AMMECR1: variants seen among roughly 807,000 people sequenced by gnomAD.
The protein encoded by AMMECR1 is AMMECR nuclear protein 1, also known as nuclear protein AMMECR1.
AMMECR1 carries 3 observed loss-of-function variants against 22.5 expected under a neutral mutation model. The ratio of observed to expected loss-of-function variants is 0.13; its 90% CI spans 0.06 to 0.35. The LOEUF is 0.35. Ranked by LOEUF, AMMECR1 falls within the 10% of genes least tolerant of loss-of-function variation. AMMECR1 has a pLI of 1.00. For missense variants in AMMECR1, 235 were observed against 278.7 expected, an observed-to-expected ratio of 0.84 and a Z score of 1.12; for synonymous variants, 130 against 116.7, an observed-to-expected ratio of 1.11 and a Z score of -0.74.
At position 110,346,904 on chromosome X, in the gene AMMECR1, A is replaced by G. The variant is rs776354442; in HGVS notation, c.-147-29055T>C. On this transcript the variant is annotated intron_variant, in intron 2 of 7. Transcript: ENST00000372057. ...TCGTAGCGGCGACGCTGGAGAAGCC[A>G]GACATGGTGAACGCGGGGGCCGGGC... 1.6e-4 allele frequency: 93 copies of G among 594,185 alleles called. No individual in the cohort carries two copies. In the East Asian group the frequency reaches 3.0e-3, roughly 19 times the overall value. 49.0% of individuals were successfully genotyped at this position (594,185 alleles called of 1,213,427 possible). A position where few individuals can be genotyped will look rare whatever the true frequency, so the allele number is the denominator to read the frequency against.
At chrX:110,240,420 G>A (rs2067625741) in intron 2 of AMMECR1, among the ~76,000 whole-genome samples, 1 of 96,456 alleles carries the variant, frequency 1.0e-5, no homozygotes, top group Non-Finnish European at 2.1e-5. Flanking sequence ...GGGAGGGTTT[G>A]CAATCCTAGT....
intron 2 of AMMECR1, among the ~76,000 whole-genome samples, chrX:110,383,235 G>A (rs2068432825): frequency 9.0e-6 from 1 of 110,968 alleles, no homozygotes; most frequent in South Asian, 3.8e-4. Flanking sequence ...TTCTTCCCAG[G>A]AGGCTTGCCC....
At chrX:110,343,473 G>T (rs1349806657) in intron 2 of AMMECR1, among the ~76,000 whole-genome samples, 1 of 111,192 alleles carries the variant, frequency 9.0e-6, no homozygotes, top group Admixed American at 9.6e-5. Context: ...ATTCAACACA[G>T]TGTTGGAAGT....
At chrX:110,270,479 T>C (rs1423273301) in intron 1 of AMMECR1, among the ~76,000 whole-genome samples, 1 of 111,189 alleles carries the variant, frequency 9.0e-6, no homozygotes, top group Non-Finnish European at 1.9e-5. Context: ...TGGTTTTTTT[T>C]TCCCCCACTA....
rs1371934095 is a variant in AMMECR1, at chrX:110,252,581, T to C, written c.584+11908A>G. Among the ~76,000 whole-genome samples the C allele has an allele frequency of 3.6e-5, 4 of 112,269 alleles. No homozygotes were observed. The East Asian group carries it at 1.1e-3, about 31-fold the overall frequency. On this transcript the variant is annotated intron_variant, in intron 2 of 5. Coordinates refer to ENST00000262844, the MANE Select transcript of AMMECR1 (RefSeq NM_015365.3). Reference sequence around the variant, plus strand: ...CACAAAAAATACATTCAATATGCACTCAATGAAAACTATAAGAAACTAGCC... The same window carrying C: ...CACAAAAAATACATTCAATATGCACCCAATGAAAACTATAAGAAACTAGCC...
intron 2 of AMMECR1, among the ~76,000 whole-genome samples, chrX:110,240,383 C>CAAA (rs201985833): frequency 9.3e-5 from 1 of 10,794 alleles, no homozygotes. Flanking sequence ...AAATGGAAAG[C>CAAA]AAAAAAAAAA....
At chrX:110,306,291 C>T (rs2067994635) in intron 1 of AMMECR1, among the ~76,000 whole-genome samples, 1 of 110,045 alleles carries the variant, frequency 9.1e-6, no homozygotes, top group African/African-American at 3.3e-5. Context: ...AAGACTCCGT[C>T]TCGAAAAATA....
At chrX:110,345,080 G>A in intron 2 of AMMECR1, among the ~76,000 whole-genome samples, 1 of 112,138 alleles carries the variant, frequency 8.9e-6, no homozygotes, top group East Asian at 2.8e-4. Flanking sequence ...CAATAGCAAA[G>A]ACTTGGAACC....
At chrX:110,344,037 T>A (rs1265316012) in intron 2 of AMMECR1, among the ~76,000 whole-genome samples, 2 of 111,646 alleles carry the variant, frequency 1.8e-5, no homozygotes, top group Non-Finnish European at 1.9e-5. Context: ...CATTGCCAAA[T>A]CAATCCTAAG....
chrX:110,279,093 C>G (rs188010340), intron 1 of AMMECR1, among the ~76,000 whole-genome samples: 3 of 112,018 alleles, frequency 2.7e-5, no homozygotes, highest in Admixed American at 1.9e-4. Context: ...TAAATACTAA[C>G]CAAATATCCA....
intron 2 of AMMECR1, among the ~76,000 whole-genome samples, chrX:110,355,088 C>A (rs147292926): frequency 8.9e-6 from 1 of 111,780 alleles, no homozygotes; most frequent in Non-Finnish European, 1.9e-5. Flanking sequence ...TAGAAAATAC[C>A]GGGAAACATG....
At chrX:110,326,201 A>C (rs1461475622) in intron 2 of AMMECR1, among the ~76,000 whole-genome samples, 2 of 111,511 alleles carry the variant, frequency 1.8e-5, no homozygotes, top group Non-Finnish European at 3.8e-5. Flanking sequence ...CATGTTGGCT[A>C]GGCTGACCCC....
intron 1 of AMMECR1, among the ~76,000 whole-genome samples, chrX:110,312,868 A>G (rs2148224624): frequency 8.9e-6 from 1 of 112,494 alleles, no homozygotes; most frequent in African/African-American, 3.2e-5. Context: ...CATTATGACC[A>G]GAGAATGCAA....
At chrX:110,310,737 T>G (rs1339170638) in intron 1 of AMMECR1, among the ~76,000 whole-genome samples, 1 of 112,181 alleles carries the variant, frequency 8.9e-6, no homozygotes, top group Non-Finnish European at 1.9e-5. Flanking sequence ...GTATGAACCC[T>G]TGCATATGCT....
chrX:110,226,198 C>T, intron 2 of AMMECR1, among the ~76,000 whole-genome samples: 1 of 111,801 alleles, frequency 8.9e-6, no homozygotes, highest in Non-Finnish European at 1.9e-5. Context: ...GAGTAAGGTA[C>T]TATACATGCA....
chrX:110,399,958 G>C (rs2068552824), intron 2 of AMMECR1, among the ~76,000 whole-genome samples: 1 of 111,633 alleles, frequency 9.0e-6, no homozygotes, highest in African/African-American at 3.3e-5. Flanking sequence ...TAAAGAAATT[G>C]ACAGGGATCA....
chrX:110,231,091 T>C (rs1420297699), intron 2 of AMMECR1, among the ~76,000 whole-genome samples: 2 of 112,244 alleles, frequency 1.8e-5, no homozygotes, highest in East Asian at 2.8e-4. Context: ...TGGAACCAAG[T>C]TGGAAAATAT....
In AMMECR1 at chrX:110,248,718, T is replaced by C. The variant is rs992862878; in HGVS notation, c.584+15771A>G. On this transcript the variant is annotated intron_variant, in intron 2 of 5. Coordinates refer to ENST00000262844, the MANE Select transcript of AMMECR1 (RefSeq NM_015365.3). Reference sequence around the variant, plus strand: ...ATTTCTAAGGAACTGTCTCACTTCTTAACTCCTAAATGTCTACCTTTTGGC... The same window carrying C: ...ATTTCTAAGGAACTGTCTCACTTCTCAACTCCTAAATGTCTACCTTTTGGC... Among the ~76,000 whole-genome samples the C allele has an allele frequency of 2.7e-5, 3 of 112,547 alleles. No homozygotes were observed. In the East Asian group the frequency reaches 8.3e-4, roughly 31 times the overall value.
At chrX:110,205,447 G>A (rs1299648454) in intron 3 of AMMECR1, among the ~76,000 whole-genome samples, 1 of 112,024 alleles carries the variant, frequency 8.9e-6, no homozygotes, top group Non-Finnish European at 1.9e-5. Context: ...CATCCCAAGA[G>A]ACAAAGGCTA....
Sources: gnomAD v4.1 joint callset for allele counts (sites outside exome capture counted in the v4.1 genomes callset) on GRCh38, gnomAD v4.1.1 for gene constraint, MANE v1.5 for transcripts, NCBI Gene and HGNC (gene_info 2026-07-23, HGNC 2026-07-21) for gene names.